Variants in CCNJL observed in about 807,000 individuals in gnomAD.
CCNJL encodes the protein cyclin J like, also known as cyclin-J-like protein.
CCNJL carries 33 observed loss-of-function variants against 33.4 expected under a neutral mutation model. That is an observed-to-expected ratio of 0.99 (90% CI 0.75 to 1.32). The LOEUF (loss-of-function observed/expected upper bound fraction) is 1.32. Among genes scored for constraint, CCNJL ranks in the 40% most tolerant of loss-of-function variants. CCNJL has a pLI of 0.00. For missense variants in CCNJL, 512 were observed against 499.7 expected, an observed-to-expected ratio of 1.02 and a Z score of -0.23; for synonymous variants, 227 against 220.9, an observed-to-expected ratio of 1.03 and a Z score of -0.24.
At chr5:160,306,525 G>C (rs1763102861) in intron 2 of CCNJL, among the ~76,000 whole-genome samples, 1 of 152,108 alleles carries the variant, frequency 6.6e-6, no homozygotes, top group Admixed American at 6.5e-5. Flanking sequence ...AAAGTTACCA[G>C]CTCATGTCAA....
intron 2 of CCNJL, among the ~76,000 whole-genome samples, chr5:160,288,453 A>G (rs1762477628): frequency 6.6e-6 from 1 of 152,218 alleles, no homozygotes; most frequent in Non-Finnish European, 1.5e-5. Context: ...CCCCATGCCC[A>G]GTAAGTATCC....
chr5:160,273,913 T>C (rs1358584199), intron 3 of CCNJL, among the ~76,000 whole-genome samples: 1 of 151,690 alleles, frequency 6.6e-6, no homozygotes, highest in African/African-American at 2.4e-5. Flanking sequence ...CCTCCCAAAG[T>C]GCTGGGATTA....
chr5:160,278,429 G>GATCC (rs1419321592), intron 3 of CCNJL, among the ~76,000 whole-genome samples: 1 of 152,148 alleles, frequency 6.6e-6, no homozygotes, highest in Non-Finnish European at 1.5e-5. Flanking sequence ...GAGGCAAGGG[G>GATCC]ATCCCCCTTG....
chr5:160,265,051 C>T (rs1761514276), intron 3 of CCNJL, among the ~76,000 whole-genome samples: 1 of 152,152 alleles, frequency 6.6e-6, no homozygotes, highest in South Asian at 2.1e-4. Flanking sequence ...AAACTTAAAA[C>T]AAAAAGGTAA....
At chr5:160,257,429 C>T (rs531537531) in intron 4 of CCNJL, among the ~76,000 whole-genome samples, 3 of 152,000 alleles carry the variant, frequency 2.0e-5, no homozygotes, top group East Asian at 1.9e-4. Context: ...GAGCCAAGAT[C>T]GTGCCACTAC....
intron 1 of CCNJL, among the ~76,000 whole-genome samples, chr5:160,318,112 G>A (rs1763399950): frequency 6.6e-6 from 1 of 152,048 alleles, no homozygotes; most frequent in African/African-American, 2.4e-5. Context: ...TGCCTCCAGG[G>A]TTCAAGCAAT....
intron 3 of CCNJL, among the ~76,000 whole-genome samples, chr5:160,263,813 A>T (rs1424157230): frequency 1.3e-5 from 2 of 152,158 alleles, no homozygotes; most frequent in African/African-American, 2.4e-5. Context: ...TCCATGGATG[A>T]TCCTTTTCTG....
chr5:160,259,664 T>C lies in CCNJL; in HGVS notation c.388A>G (p.Thr130Ala). The change falls in exon 4 of 6, where the codon ACA becomes GCA. Residue 130 changes from threonine to alanine, a missense_variant. Coordinates refer to ENST00000257536, the MANE Select transcript of CCNJL (RefSeq NM_001308173.3). ...AAGGCCTCCAGGAGCAGCAGCTCTG[T>C]GCTCAGCAGCTCCTTCTTGGTGAGG... Reference protein sequence around the residue: ...FTLTKKELLSTELLLLEAFSW... With the variant: ...FTLTKKELLSAELLLLEAFSW... 6.2e-7 allele frequency: 1 copy of C among 1,614,158 alleles called. No homozygotes were observed. Among genetic ancestry groups the C allele is most frequent in the Non-Finnish European group, 8.5e-7 (1 of 1,179,992 alleles).
rs575531575 is a variant in CCNJL, at chr5:160,287,251, G to A, written c.67-6513C>T. Among the ~76,000 whole-genome samples, 4 of 152,262 alleles carry A rather than the reference G, an allele frequency of 2.6e-5. No individual in the cohort carries two copies. In the South Asian group the frequency reaches 8.3e-4, roughly 32 times the overall value. On this transcript the variant is annotated intron_variant, in intron 2 of 5. Transcript: ENST00000257536. ...GCCCTTCCTCTTCCCTCAAGCTGGGGAATCAAGTCTCAGAGAAGTTGAATT... is the reference window on the plus strand; with the variant it reads ...GCCCTTCCTCTTCCCTCAAGCTGGGAAATCAAGTCTCAGAGAAGTTGAATT...
At chr5:160,299,843 T>C (rs919118244) in intron 2 of CCNJL, among the ~76,000 whole-genome samples, 24 of 152,240 alleles carry the variant, frequency 1.6e-4, no homozygotes, top group African/African-American at 3.4e-4. Context: ...TGGATTTTTT[T>C]TTTTTTTTTA....
chr5:160,295,413 G>A (rs1424331620), intron 2 of CCNJL, among the ~76,000 whole-genome samples: 1 of 152,148 alleles, frequency 6.6e-6, no homozygotes, highest in Non-Finnish European at 1.5e-5. Context: ...TCTTGAACCC[G>A]GGCACTGGAG....
At chr5:160,284,359 A>G (rs1236421763) in intron 2 of CCNJL, among the ~76,000 whole-genome samples, 1 of 152,198 alleles carries the variant, frequency 6.6e-6, no homozygotes, top group Non-Finnish European at 1.5e-5. Flanking sequence ...CTCAAAAAAA[A>G]TTAAAATAAA....
chr5:160,321,087 T>C (rs111634831), intron 1 of CCNJL, among the ~76,000 whole-genome samples: 1,861 of 119,602 alleles, frequency 0.016, 34 homozygotes, highest in African/African-American at 0.035. Flanking sequence ...TCTTTCTTTC[T>C]TTCCTTCTCT....
At chr5:160,278,486 T>C (rs1347536736) in intron 3 of CCNJL, among the ~76,000 whole-genome samples, 1 of 152,160 alleles carries the variant, frequency 6.6e-6, no homozygotes, top group Non-Finnish European at 1.5e-5. Context: ...GAATAGGATT[T>C]CAGGCTGTCA....
At chr5:160,262,302 C>A (rs1561775655) in intron 3 of CCNJL, among the ~76,000 whole-genome samples, 1 of 152,220 alleles carries the variant, frequency 6.6e-6, no homozygotes, top group Non-Finnish European at 1.5e-5. Flanking sequence ...CCCCTCCTCG[C>A]TTTTCAAACC....
intron 1 of CCNJL, among the ~76,000 whole-genome samples, chr5:160,338,448 G>A (rs1438604862): frequency 1.3e-5 from 2 of 148,412 alleles, no homozygotes; most frequent in African/African-American, 2.5e-5. Flanking sequence ...TCTCTGGAAC[G>A]TATCTTCATT....
intron 2 of CCNJL, among the ~76,000 whole-genome samples, chr5:160,310,810 T>C (rs1763237368): frequency 6.6e-6 from 1 of 152,122 alleles, no homozygotes; most frequent in Non-Finnish European, 1.5e-5. Context: ...ATGATGTACC[T>C]ACAAGCCGAG....
At chr5:160,304,896 G>A (rs1043788002) in intron 2 of CCNJL, among the ~76,000 whole-genome samples, 1 of 151,354 alleles carries the variant, frequency 6.6e-6, no homozygotes, top group African/African-American at 2.4e-5. Context: ...TCACTGCAAC[G>A]TCCGCCTCCC....
intron 3 of CCNJL, among the ~76,000 whole-genome samples, chr5:160,274,315 T>G (rs1226396426): frequency 6.6e-6 from 1 of 151,882 alleles, no homozygotes; most frequent in Non-Finnish European, 1.5e-5. Context: ...AAAAATGAGC[T>G]GGATGTGGTG....
Sources: gnomAD v4.1 joint callset for allele counts (sites outside exome capture counted in the v4.1 genomes callset) on GRCh38, gnomAD v4.1.1 for gene constraint, MANE v1.5 for transcripts, NCBI Gene and HGNC (gene_info 2026-07-23, HGNC 2026-07-21) for gene names.